The following C3 variants were observed in gnomAD, a reference collection of about 807,000 sequenced individuals.
C3 encodes the protein complement C3, also known as C3 and PZP-like alpha-2-macroglobulin domain-containing protein 1.
C3 carries 97 observed loss-of-function variants against 207.9 expected under a neutral mutation model. That is an observed-to-expected ratio of 0.47 (90% CI 0.40 to 0.55). The LOEUF is 0.55. C3 is among the 20% of genes least tolerant of loss of function. C3 has a pLI of 0.00. For missense variants in C3, 1,684 were observed against 2,171.7 expected, an observed-to-expected ratio of 0.78 and a Z score of 4.46; for synonymous variants, 848 against 857.6, an observed-to-expected ratio of 0.99 and a Z score of 0.20.
At position 6,693,487 on chromosome 19, in the gene C3, C is replaced by G; in HGVS notation, c.3155G>C (p.Gly1052Ala). ...RQGALELIKK[G>A]YTQQLAFRQP... ...TCTGAAGGCCAGCTGCTGGGTGTACCCTGCAGAGAAGAGAGAGGAACCCCC... is the reference window on the plus strand; with the variant it reads ...TCTGAAGGCCAGCTGCTGGGTGTACGCTGCAGAGAAGAGAGAGGAACCCCC... Residue 1052 changes from glycine to alanine, a missense_variant and splice_region_variant, in exon 25 of 41, where the codon GGG becomes GCG. Coordinates refer to ENST00000245907, the MANE Select transcript of C3 (RefSeq NM_000064.4). 1 of 1,611,550 alleles carries G rather than the reference C, an allele frequency of 6.2e-7. No homozygotes were observed. Among genetic ancestry groups the G allele is most frequent in the Non-Finnish European group, 8.5e-7 (1 of 1,179,274 alleles).
chr19:6,702,142 T>A lies in C3; in HGVS notation c.2425A>T (p.Met809Leu), dbSNP rs571668266. 3.8e-6 allele frequency: 6 copies of A among 1,597,346 alleles called. No individual in the cohort carries two copies. In the African/African-American group the frequency reaches 5.4e-5, roughly 14 times the overall value. Reference sequence around the variant, plus strand: ...CCTCTCTCACCTTTCTTGTCCGACATGCTCACAGCCAGAATCTCCCACGTG... The same window carrying A: ...CCTCTCTCACCTTTCTTGTCCGACAAGCTCACAGCCAGAATCTCCCACGTG... ...ITTWEILAVS[M>L]SDKKGICVAD... The change falls in exon 19 of 41, where the codon ATG (methionine) becomes TTG (leucine). Residue 809 changes from methionine (M) to leucine (L), a missense_variant. Coordinates refer to ENST00000245907, the MANE Select transcript of C3 (RefSeq NM_000064.4).
chr19:6,701,922 A>G (rs1020542971), intron 19 of C3, among the ~76,000 whole-genome samples: 1 of 152,104 alleles, frequency 6.6e-6, no homozygotes, highest in Non-Finnish European at 1.5e-5. Flanking sequence ...AACCCTTGCT[A>G]TGTGACTCTT....
At chr19:6,713,376 C>T in intron 8 of C3, 31 bp downstream of exon 8, 1 of 1,613,868 alleles carries the variant, frequency 6.2e-7, no homozygotes, top group East Asian at 2.2e-5. Context: ...GGGACTGGGG[C>T]AGGGATCAAA....
Position 6,719,131 on chromosome 19 carries a change from G to A in C3, c.267+80C>T. The A allele has an allele frequency of 7.9e-7, 1 of 1,259,526 alleles. No individual in the cohort carries two copies. The highest frequency in any genetic ancestry group is 1.2e-5 in the South Asian group (1 of 83,712). 78.0% of individuals were successfully genotyped at this position (1,259,526 alleles called of 1,614,324 possible). On this transcript the variant is annotated intron_variant, in intron 2 of 40. Transcript: ENST00000245907. This position sits in a 1 kb window ranked among gnomAD's most constrained non-coding sequence, Gnocchi z 5.4. ...GCAGGGCTTAGAAAGGGAGAAGACA[G>A]AAGGGGAGGGGCTCAGGAGGAGGGG...
chr19:6,695,984 T>C (rs1014338306), intron 23 of C3, among the ~76,000 whole-genome samples: 1 of 150,198 alleles, frequency 6.7e-6, no homozygotes, highest in Non-Finnish European at 1.5e-5. Context: ...CTGAGGCGGG[T>C]GGATCACGAG....
intron 11 of C3, 55 bp from the exon 12 acceptor site, chr19:6,711,251 G>A (rs975378458): frequency 8.4e-6 from 12 of 1,428,768 alleles, no homozygotes; most frequent in South Asian, 4.6e-5. Flanking sequence ...ACCCACACCC[G>A]AATCCCTGAG....
Position 6,719,541 on chromosome 19 carries a change from C to G in C3, c.75-138G>C. ...GATCCAGTGACTGCCGGCGCACTTG[C>G]CAATGCCATTATCTTCTCTGGGCAC... On this transcript the variant is annotated intron_variant, in intron 1 of 40. Transcript: ENST00000245907. This position sits in a 1 kb window ranked among gnomAD's most constrained non-coding sequence, Gnocchi z 5.4. The G allele has an allele frequency of 1.4e-6, 1 of 732,342 alleles. No homozygotes were observed. The highest frequency in any genetic ancestry group is 1.7e-5 in the South Asian group (1 of 59,990). 45.4% of individuals were successfully genotyped at this position (732,342 alleles called of 1,614,324 possible). A position where few individuals can be genotyped will look rare whatever the true frequency, so the allele number is the denominator to read the frequency against.
At chr19:6,686,069 T>G (rs1599500855) in intron 29 of C3, 55 bp downstream of exon 29, 1 of 1,584,666 alleles carries the variant, frequency 6.3e-7, no homozygotes, top group Non-Finnish European at 8.7e-7. Flanking sequence ...AGGAGGCCAG[T>G]GGGAAGCCGC....
At chr19:6,687,992 G>T (rs1214263553) in intron 27 of C3, among the ~76,000 whole-genome samples, 1 of 151,862 alleles carries the variant, frequency 6.6e-6, no homozygotes, top group Non-Finnish European at 1.5e-5. Context: ...CAGTAGCTGG[G>T]ACTACAGGCG....
chr19:6,689,301 C>G (rs1296775138), intron 27 of C3, among the ~76,000 whole-genome samples: 2 of 127,770 alleles, frequency 1.6e-5, no homozygotes, highest in African/African-American at 6.3e-5. Context: ...CACCTCTCCT[C>G]TCTCTCTCTC....
At chr19:6,678,753 C>T (rs966201976) in intron 38 of C3, among the ~76,000 whole-genome samples, 2 of 152,126 alleles carry the variant, frequency 1.3e-5, no homozygotes, top group Non-Finnish European at 2.9e-5. Flanking sequence ...AATACTGTAG[C>T]CTCATGGCCA....
chr19:6,692,189 A>T (rs1918186526), intron 26 of C3, among the ~76,000 whole-genome samples: 1 of 151,726 alleles, frequency 6.6e-6, no homozygotes, highest in South Asian at 2.1e-4. Context: ...TGCAGCCTCG[A>T]CCTCCTGGGC....
chr19:6,702,012 G>A, intron 19 of C3, 115 bp downstream of exon 19: 1 of 728,820 alleles, frequency 1.4e-6, no homozygotes, highest in Non-Finnish European at 2.5e-6. Flanking sequence ...TGGTAACCAG[G>A]GCAGAGAATA....
chr19:6,687,331 T>C (rs1390803126), intron 27 of C3, among the ~76,000 whole-genome samples: 2 of 152,206 alleles, frequency 1.3e-5, no homozygotes, highest in Admixed American at 6.5e-5. Context: ...AGTATACCAC[T>C]GTGAACACCT....
rs765036577 is a variant in C3, at chr19:6,714,078, C to T, written c.687G>A (p.Leu229=). ...GCTCCACTATGACCTCGAAACTGGGCAGCACTGGGGGAGAGATGGCGTTGG... is the reference window on the plus strand; with the variant it reads ...GCTCCACTATGACCTCGAAACTGGGTAGCACTGGGGGAGAGATGGCGTTGG... ...STEFEVKEYV[L]PSFEVIVEPT... The change falls in exon 7 of 41, where the codon CTG becomes CTA. Residue 229 remains leucine (L), a synonymous_variant. Coordinates refer to ENST00000245907, the MANE Select transcript of C3 (RefSeq NM_000064.4). 3.1e-6 allele frequency: 5 copies of T among 1,612,586 alleles called. No homozygotes were observed. The South Asian group carries it at 4.4e-5, about 14-fold the overall frequency.
chr19:6,705,234 T>C (rs1967748858), intron 17 of C3, among the ~76,000 whole-genome samples: 2 of 152,176 alleles, frequency 1.3e-5, no homozygotes, highest in South Asian at 4.1e-4. Context: ...AGACCAGACT[T>C]TTTGTCTAAT....
chr19:6,695,733 C>T (rs1967519161), intron 23 of C3, among the ~76,000 whole-genome samples: 1 of 151,978 alleles, frequency 6.6e-6, no homozygotes, highest in East Asian at 1.9e-4. Context: ...CCTGCCTCGG[C>T]CTCCCAAAGT....
In C3 at chr19:6,707,285, CGT is replaced by C. The variant is rs140718871; in HGVS notation, c.2048-14_2048-13del. ...GGGGTACTTGCCGACTGCGGGAGCA[CGT>C]GTTCCCCCAGGCCACACCCTCAGCC... On this transcript the variant is annotated splice_polypyrimidine_tract_variant and intron_variant, in intron 16 of 40. Coordinates refer to ENST00000245907, the MANE Select transcript of C3 (RefSeq NM_000064.4). The C allele has an allele frequency of 7.9e-3, 12,617 of 1,605,390 alleles. 851 individuals are homozygous for C. In the African/African-American group the frequency reaches 0.15, roughly 19 times the overall value.
intron 19 of C3, 116 bp downstream of exon 19, chr19:6,702,011 G>T (rs408290): frequency 3.4e-5 from 25 of 725,950 alleles, no homozygotes; most frequent in Admixed American, 5.8e-5. Context: ...GTGGTAACCA[G>T]GGCAGAGAAT....
Sources: gnomAD v4.1 joint callset for allele counts (sites outside exome capture counted in the v4.1 genomes callset) on GRCh38, gnomAD v4.1.1 for gene constraint, Gnocchi (gnomAD v3.1) non-coding constraint, MANE v1.5 for transcripts, NCBI Gene and HGNC (gene_info 2026-07-23, HGNC 2026-07-21) for gene names.